SEMA3A: variants seen among roughly 807,000 people sequenced by gnomAD.
The protein encoded by SEMA3A is semaphorin-3A.
A neutral mutation model predicts 97.9 loss-of-function variants in SEMA3A; 29 were observed. That is an observed-to-expected ratio of 0.30 (90% CI 0.22 to 0.40). The LOEUF (loss-of-function observed/expected upper bound fraction) is 0.40. SEMA3A is among the 10% of genes least tolerant of loss of function. The pLI is 1.00. For missense variants in SEMA3A, 763 were observed against 951.3 expected, an observed-to-expected ratio of 0.80 and a Z score of 2.60; for synonymous variants, 321 against 323.7, an observed-to-expected ratio of 0.99 and a Z score of 0.09.
intron 2 of SEMA3A, among the ~76,000 whole-genome samples, chr7:84,370,498 A>G (rs1019783531): frequency 6.6e-6 from 1 of 151,684 alleles, no homozygotes; most frequent in Non-Finnish European, 1.5e-5. Context: ...TAAAAGTTAG[A>G]TTTGATAGGC....
chr7:84,410,447 C>A (rs1804231547), intron 1 of SEMA3A, among the ~76,000 whole-genome samples: 1 of 152,084 alleles, frequency 6.6e-6, no homozygotes, highest in African/African-American at 2.4e-5. Flanking sequence ...CCAGATTGCA[C>A]ACTCCCCAGA....
In SEMA3A at chr7:84,215,824, A is replaced by G. The variant is rs576730591; in HGVS notation, c.-82-21156T>C. Among the ~76,000 whole-genome samples the G allele has an allele frequency of 1.2e-3, 181 of 152,320 alleles. 1 individual carries two copies. Among genetic ancestry groups the G allele is most frequent in the Non-Finnish European group, 2.0e-3 (138 of 68,026 alleles). ...ACTAATTTTTCATTCACTCTGAAAC[A>G]AATATTATTTTTCTAGGTCATGTGG... On this transcript the variant is annotated intron_variant, in intron 3 of 3. Coordinates refer to the SEMA3A transcript ENST00000424555.
intron 2 of SEMA3A, among the ~76,000 whole-genome samples, chr7:84,316,775 G>A (rs1273974550): frequency 6.6e-6 from 1 of 151,610 alleles, no homozygotes; most frequent in Non-Finnish European, 1.5e-5. Context: ...AAAACTGTTA[G>A]TGGTCCAAGA....
At chr7:84,001,657 G>A (rs1016633330) in intron 12 of SEMA3A, among the ~76,000 whole-genome samples, 1 of 130,116 alleles carries the variant, frequency 7.7e-6, no homozygotes, top group African/African-American at 3.0e-5. Flanking sequence ...GAGTGGGGAA[G>A]AGTTTGTTCA....
chr7:84,151,135 G>A (rs1004558384), intron 1 of SEMA3A, among the ~76,000 whole-genome samples: 3 of 150,490 alleles, frequency 2.0e-5, no homozygotes, highest in Admixed American at 6.6e-5. Context: ...CCACAAAGAT[G>A]GGGAAAAAAC....
intron 1 of SEMA3A, among the ~76,000 whole-genome samples, chr7:84,377,330 C>T (rs1338325721): frequency 6.6e-6 from 1 of 152,110 alleles, no homozygotes; most frequent in Non-Finnish European, 1.5e-5. Context: ...CTCTTCAACA[C>T]ACATTGGATA....
At chr7:84,198,120 C>T (rs117133806), upstream of SEMA3A, among the ~76,000 whole-genome samples, 63 of 152,260 alleles carry the variant, frequency 4.1e-4, no homozygotes, top group Non-Finnish European at 7.9e-4. Context: ...TACACCATAA[C>T]CATTGATTTT....
intron 5 of SEMA3A, among the ~76,000 whole-genome samples, chr7:84,057,158 A>C (rs1049591418): frequency 3.3e-5 from 5 of 152,194 alleles, no homozygotes; most frequent in Admixed American, 3.3e-4. Flanking sequence ...GAGGATATAA[A>C]CTTAGCTAAA....
At chr7:84,056,584 A>C (rs575714477) in intron 5 of SEMA3A, among the ~76,000 whole-genome samples, 26 of 151,234 alleles carry the variant, frequency 1.7e-4, no homozygotes, top group Middle Eastern at 3.4e-3. Flanking sequence ...AGAAGGGGGA[A>C]AAAAAAAAGA....
chr7:84,202,397 C>A (rs374924808), intron 3 of SEMA3A, among the ~76,000 whole-genome samples: 1 of 152,120 alleles, frequency 6.6e-6, no homozygotes, highest in Admixed American at 6.6e-5. Flanking sequence ...TTTTAGTGGT[C>A]TAATTTCATC....
intron 1 of SEMA3A, among the ~76,000 whole-genome samples, chr7:84,180,549 G>A (rs1238909432): frequency 6.6e-6 from 1 of 151,888 alleles, no homozygotes; most frequent in Admixed American, 6.6e-5. Context: ...TTAGCTGGGT[G>A]CGGTGGCACA....
intron 3 of SEMA3A, among the ~76,000 whole-genome samples, chr7:84,254,065 T>C (rs937327510): frequency 6.6e-6 from 1 of 152,184 alleles, no homozygotes; most frequent in Admixed American, 6.5e-5. Context: ...AGCTATCAAA[T>C]GTGTGAATGA....
At chr7:84,311,492 G>A (rs1156841330) in intron 2 of SEMA3A, among the ~76,000 whole-genome samples, 3 of 151,798 alleles carry the variant, frequency 2.0e-5, no homozygotes, top group African/African-American at 4.8e-5. Context: ...AAATGTAGAA[G>A]TAATAATCTA....
chr7:84,001,089 T>C (rs574015938), intron 12 of SEMA3A, among the ~76,000 whole-genome samples: 1 of 151,606 alleles, frequency 6.6e-6, no homozygotes, highest in South Asian at 2.1e-4. Flanking sequence ...TTTGCAGTTA[T>C]AAATATCTCA....
chr7:84,320,067 C>T (rs1005191940), intron 2 of SEMA3A, among the ~76,000 whole-genome samples: 2 of 152,158 alleles, frequency 1.3e-5, no homozygotes, highest in South Asian at 2.1e-4. Context: ...TCTCTGTTAC[C>T]ATATCTGACA....
intron 3 of SEMA3A, among the ~76,000 whole-genome samples, chr7:84,298,486 A>G (rs1800921187): frequency 6.6e-6 from 1 of 152,166 alleles, no homozygotes; most frequent in Non-Finnish European, 1.5e-5. Flanking sequence ...AAATTTATTA[A>G]TTTAGCAAAT....
chr7:84,092,749 T>C (rs529180547), intron 4 of SEMA3A, among the ~76,000 whole-genome samples: 15 of 152,256 alleles, frequency 9.9e-5, no homozygotes, highest in African/African-American at 3.6e-4. Flanking sequence ...CCTCCTTCCC[T>C]CCATGCCTCC....
chr7:84,259,747 C>A (rs1799801943), intron 3 of SEMA3A, among the ~76,000 whole-genome samples: 1 of 139,238 alleles, frequency 7.2e-6, no homozygotes, highest in East Asian at 2.1e-4. Flanking sequence ...AAGCAAGCTG[C>A]AAGTGAAGAT....
At chr7:83,965,225 C>A (rs1399417742) in intron 15 of SEMA3A, among the ~76,000 whole-genome samples, 1 of 151,946 alleles carries the variant, frequency 6.6e-6, no homozygotes, top group South Asian at 2.1e-4. Context: ...AGGCATGAGC[C>A]ACCGCGTCCG....
Sources: allele counts gnomAD v4.1 joint callset (sites outside exome capture counted in the v4.1 genomes callset), GRCh38; gene constraint gnomAD v4.1.1; transcripts MANE v1.5; gene names NCBI Gene and HGNC (gene_info 2026-07-23, HGNC 2026-07-21).